Variants in NT5C2 observed in about 807,000 individuals in gnomAD.
NT5C2 encodes the protein cytosolic purine 5'-nucleotidase.
In NT5C2, 58 loss-of-function variants were observed where a neutral mutation model predicts 76.1. That is an observed-to-expected ratio of 0.76 (90% CI 0.62 to 0.95). The LOEUF (loss-of-function observed/expected upper bound fraction) is 0.95. NT5C2 is among the 40% of genes least tolerant of loss of function. The pLI is 0.00. For missense variants in NT5C2, 478 were observed against 690.3 expected (o/e 0.69, Z 3.45); for synonymous variants, 229 against 237.4 (o/e 0.96, Z 0.32).
chr10:103,154,484 A>G (rs1244612369), intron 3 of NT5C2, among the ~76,000 whole-genome samples: 1 of 152,206 alleles, frequency 6.6e-6, no homozygotes, highest in Non-Finnish European at 1.5e-5. Flanking sequence ...TTAGAAAAGC[A>G]GTATGGTGTA....
chr10:103,179,825 T>C (rs1041750030), intron 2 of NT5C2, among the ~76,000 whole-genome samples: 12 of 152,266 alleles, frequency 7.9e-5, no homozygotes, highest in Non-Finnish European at 2.9e-5. Flanking sequence ...TATTTTATTC[T>C]CTTAGAAGGT....
At chr10:103,100,833 C>CA (rs1344379161) in intron 8 of NT5C2, 2 of 668,556 alleles carry the variant, frequency 3.0e-6, no homozygotes, top group Non-Finnish European at 2.8e-6. Flanking sequence ...GTGGCTGCAG[C>CA]ACACTGGCAA....
chr10:103,172,882 C>T (rs937532119), intron 3 of NT5C2, among the ~76,000 whole-genome samples: 2 of 152,154 alleles, frequency 1.3e-5, no homozygotes, highest in South Asian at 2.1e-4. Context: ...CAGTGGCCCA[C>T]GCCTGTACTC....
chr10:103,131,435 T>C lies in NT5C2; in HGVS notation c.175+7971A>G, dbSNP rs147147536. On this transcript the variant is annotated intron_variant, in intron 4 of 18. Transcript: ENST00000404739. The stretch of plus-strand genomic sequence containing the variant: ...AGGAAGTGATGCTTCTGGGAAGTGA[T>C]TGGTGTCCTCTTTTATAAAGGCGGA... Among the ~76,000 whole-genome samples, 134 of 152,298 alleles carry C rather than the reference T, an allele frequency of 8.8e-4. 2 individuals carry two copies. In the East Asian group the frequency reaches 0.014, roughly 16 times the overall value.
intron 3 of NT5C2, among the ~76,000 whole-genome samples, chr10:103,158,252 T>A (rs1307207779): frequency 6.6e-6 from 1 of 152,052 alleles, no homozygotes; most frequent in Admixed American, 6.6e-5. Flanking sequence ...AATTTATAGC[T>A]GTAAATGCAC....
intron 3 of NT5C2, among the ~76,000 whole-genome samples, chr10:103,147,045 GTCT>G (rs925486301): frequency 2.6e-5 from 4 of 152,174 alleles, no homozygotes; most frequent in African/African-American, 7.2e-5. Flanking sequence ...TACATTTTGT[GTCT>G]TCATTTTTCT....
rs1434463051 is a variant in NT5C2 at position 103,088,787 on chromosome 10, A to C, written c.*885T>G. 1 of 183,886 alleles carries C rather than the reference A, an allele frequency of 5.4e-6. No homozygotes were observed. The highest frequency in any genetic ancestry group is 6.2e-5 in the Admixed American group (1 of 16,006). 11.4% of individuals were successfully genotyped at this position (183,886 alleles called of 1,614,324 possible). On this transcript the variant is annotated 3_prime_UTR_variant, in exon 19 of 19. Coordinates refer to ENST00000404739, the MANE Select transcript of NT5C2 (RefSeq NM_001351169.2). ...CCCTCTTCCCATCCTCTGATGTTCA[A>C]TTTTAATATACAGCAATCAACTCTT...
chr10:103,172,564 G>A (rs1045919135), intron 3 of NT5C2, among the ~76,000 whole-genome samples: 8 of 151,466 alleles, frequency 5.3e-5, no homozygotes, highest in East Asian at 3.9e-4. Flanking sequence ...GACCACTCAC[G>A]GTGGTTCATA....
intron 13 of NT5C2, 74 bp from the exon 14 acceptor site, chr10:103,094,112 A>AAGC: frequency 1.4e-6 from 1 of 710,924 alleles, no homozygotes; most frequent in Non-Finnish European, 2.0e-6. Flanking sequence ...CAACCCTCCC[A>AAGC]TCCCACCCCC....
rs1356120507 is a variant in NT5C2 at position 103,089,923 on chromosome 10, G to C, written c.1450-15C>G. Reference sequence around the variant, plus strand: ...TCATGAGGCATCTAGACAGAAAAAAGCTAGAGGCTCAGAAAGCAGGCAGAG... The same window carrying C: ...TCATGAGGCATCTAGACAGAAAAAACCTAGAGGCTCAGAAAGCAGGCAGAG... On this transcript the variant is annotated splice_polypyrimidine_tract_variant and intron_variant, in intron 18 of 18. Coordinates refer to ENST00000404739, the MANE Select transcript of NT5C2 (RefSeq NM_001351169.2). 2.6e-6 allele frequency: 4 copies of C among 1,567,882 alleles called. No homozygotes were observed. The South Asian group carries it at 4.7e-5, about 19-fold the overall frequency.
At position 103,095,942 on chromosome 10, in the gene NT5C2, G is replaced by T. The variant is rs1313695837; in HGVS notation, c.810C>A (p.Pro270=). ...MTYLFDFPHG[P]KPGSSHRPWQ... ...TCTATTGAGTCACATACGGTACCTT[G>T]GGGCCATGTGGGAAGTCAAACAGGT... The change falls in exon 12 of 19, where the codon CCC becomes CCA. Residue 270 remains proline, a synonymous_variant. Transcript: ENST00000404739. The T allele has an allele frequency of 1.2e-6, 2 of 1,612,618 alleles. No individual in the cohort carries two copies. The highest frequency in any genetic ancestry group is 1.3e-5 in the African/African-American group (1 of 74,832).
intron 1 of NT5C2, among the ~76,000 whole-genome samples, chr10:103,182,481 A>G (rs1360082543): frequency 6.6e-6 from 1 of 152,018 alleles, no homozygotes; most frequent in Non-Finnish European, 1.5e-5. Flanking sequence ...CTAAAAATAT[A>G]AAAAGTAGCC....
chr10:103,094,247 TAAAAA>T, intron 13 of NT5C2, 96 bp downstream of exon 13: 2 of 671,526 alleles, frequency 3.0e-6, no homozygotes, highest in Non-Finnish European at 2.4e-6. Flanking sequence ...TACGGCTAAT[TAAAAA>T]AAAAAAATTC....
At chr10:103,113,712 GA>G (rs2073631588) in intron 4 of NT5C2, among the ~76,000 whole-genome samples, 1 of 152,116 alleles carries the variant, frequency 6.6e-6, no homozygotes, top group African/African-American at 2.4e-5. Context: ...AGTTTTAGGA[GA>G]TCAATAACTA....
chr10:103,109,245 A>T (rs1186810076), intron 4 of NT5C2, among the ~76,000 whole-genome samples: 4 of 152,136 alleles, frequency 2.6e-5, no homozygotes, highest in Non-Finnish European at 5.9e-5. Context: ...TTGAAGACTT[A>T]AGTGTGGAAT....
chr10:103,090,739 A>ACAGGCTTCCCAT lies in NT5C2; in HGVS notation c.1309_1320dup (p.Met437_Leu440dup). The ACAGGCTTCCCAT allele has an allele frequency of 6.2e-7, 1 of 1,614,204 alleles. No homozygotes were observed. Among genetic ancestry groups the ACAGGCTTCCCAT allele is most frequent in the Non-Finnish European group, 8.5e-7 (1 of 1,180,038 alleles). On this transcript the variant is annotated inframe_insertion, in exon 18 of 19. Coordinates refer to ENST00000404739, the MANE Select transcript of NT5C2 (RefSeq NM_001351169.2). The stretch of plus-strand genomic sequence containing the variant: ...AGGGTCTGCCGGGAGCCACTGCGAA[A>ACAGGCTTCCCAT]CAGGCTTCCCATCATCCCATAGCAC...
intron 4 of NT5C2, among the ~76,000 whole-genome samples, chr10:103,136,123 A>G (rs1190931918): frequency 1.3e-5 from 2 of 152,118 alleles, no homozygotes; most frequent in Non-Finnish European, 2.9e-5. Context: ...AAATTGCCCA[A>G]TCTCAGGTAT....
chr10:103,161,495 T>C (rs1306217172), intron 3 of NT5C2, among the ~76,000 whole-genome samples: 2 of 152,176 alleles, frequency 1.3e-5, no homozygotes, highest in African/African-American at 4.8e-5. Context: ...AGAATATTAT[T>C]TGGCAATAAA....
intron 4 of NT5C2, among the ~76,000 whole-genome samples, chr10:103,129,861 C>T (rs1309245584): frequency 6.3e-5 from 5 of 79,338 alleles, no homozygotes; most frequent in Non-Finnish European, 1.0e-4. Flanking sequence ...CGGCCAGCCG[C>T]CCTGTCCGGG....
Sources: gnomAD v4.1 joint callset for allele counts (sites outside exome capture counted in the v4.1 genomes callset) on GRCh38, gnomAD v4.1.1 for gene constraint, MANE v1.5 for transcripts, NCBI Gene and HGNC (gene_info 2026-07-23, HGNC 2026-07-21) for gene names.